Variants in RARB observed in about 807,000 individuals in gnomAD.
RARB encodes HBV-activated protein.
RARB carries 17 observed loss-of-function variants against 51.9 expected under a neutral mutation model. That is an observed-to-expected ratio of 0.33 (90% CI 0.22 to 0.49). The LOEUF (loss-of-function observed/expected upper bound fraction) is 0.49. Among genes scored for constraint, RARB ranks in the 20% least tolerant of loss-of-function variants. The pLI, the probability that RARB is intolerant of heterozygous loss-of-function variation, is 0.99. For synonymous variants in RARB, 215 were observed against 195.4 expected (o/e 1.10, Z -0.84); for missense variants, 369 against 550.8 (o/e 0.67, Z 3.30).
At chr3:25,522,684 A>C (rs1698453074) in intron 3 of RARB, among the ~76,000 whole-genome samples, 2 of 152,142 alleles carry the variant, frequency 1.3e-5, no homozygotes. Flanking sequence ...GCCCAGACTC[A>C]ATTAAGGCAC....
intron 4 of RARB, among the ~76,000 whole-genome samples, chr3:25,572,047 C>G (rs1015687962): frequency 6.6e-6 from 1 of 152,100 alleles, no homozygotes; most frequent in Non-Finnish European, 1.5e-5. Flanking sequence ...CATTTCAGGC[C>G]CTGTATTGAG....
intron 5 of RARB, among the ~76,000 whole-genome samples, chr3:25,301,863 G>C (rs970709687): frequency 6.6e-6 from 1 of 152,174 alleles, no homozygotes; most frequent in Admixed American, 6.5e-5. Context: ...TGGGGTCATA[G>C]TGCTAGAGAC....
At chr3:24,951,494 A>T (rs1695890006) in intron 2 of RARB, among the ~76,000 whole-genome samples, 1 of 152,156 alleles carries the variant, frequency 6.6e-6, no homozygotes, top group Non-Finnish European at 1.5e-5. Context: ...TTACATGACT[A>T]GCTAAACGCT....
intron 2 of RARB, among the ~76,000 whole-genome samples, chr3:24,928,331 A>C (rs1291524940): frequency 6.6e-6 from 1 of 151,984 alleles, no homozygotes; most frequent in Admixed American, 6.6e-5. Context: ...TGTGTACCAA[A>C]ATTGTAATTC....
At chr3:25,293,985 G>A (rs557490009) in intron 5 of RARB, among the ~76,000 whole-genome samples, 1 of 152,272 alleles carries the variant, frequency 6.6e-6, no homozygotes, top group South Asian at 2.1e-4. Flanking sequence ...CTTTGAATAA[G>A]CCTTCTTAGC....
intron 5 of RARB, among the ~76,000 whole-genome samples, chr3:25,196,608 A>G (rs1247375332): frequency 6.6e-6 from 1 of 152,156 alleles, no homozygotes; most frequent in East Asian, 1.9e-4. Context: ...GCTGGGTCAA[A>G]TGGTATTACT....
chr3:24,906,886 T>C (rs1358098464), intron 2 of RARB, among the ~76,000 whole-genome samples: 1 of 137,574 alleles, frequency 7.3e-6, no homozygotes, highest in East Asian at 2.2e-4. Flanking sequence ...CCCCCACTAA[T>C]CATATGAGTC....
intron 3 of RARB, among the ~76,000 whole-genome samples, chr3:25,534,646 A>G (rs1699064258): frequency 6.6e-6 from 1 of 152,120 alleles, no homozygotes; most frequent in South Asian, 2.1e-4. Flanking sequence ...CACAGGTCAT[A>G]GTTTTTGTTT....
At chr3:25,363,923 C>T (rs567048926) in intron 5 of RARB, among the ~76,000 whole-genome samples, 93 of 152,254 alleles carry the variant, frequency 6.1e-4, no homozygotes, top group African/African-American at 1.9e-3. Flanking sequence ...CTGGCACTGG[C>T]TCAAATGTTC....
chr3:25,388,410 A>G (rs905453942), intron 5 of RARB, among the ~76,000 whole-genome samples: 4 of 152,200 alleles, frequency 2.6e-5, no homozygotes, highest in Admixed American at 2.0e-4. Flanking sequence ...ATTTATTTTG[A>G]TATGTCTTCT....
intron 3 of RARB, among the ~76,000 whole-genome samples, chr3:25,550,903 T>C (rs996242193): frequency 2.6e-5 from 4 of 152,174 alleles, no homozygotes; most frequent in Admixed American, 2.6e-4. Flanking sequence ...TCCATGTCCC[T>C]GCAAAGGACA....
At chr3:25,051,310 A>G (rs888605855) in intron 2 of RARB, among the ~76,000 whole-genome samples, 1 of 152,144 alleles carries the variant, frequency 6.6e-6, no homozygotes, top group Non-Finnish European at 1.5e-5. Flanking sequence ...TTGTTATTGT[A>G]GGAGAAAGGG....
At chr3:25,336,662 A>G (rs1328338650) in intron 5 of RARB, among the ~76,000 whole-genome samples, 1 of 152,136 alleles carries the variant, frequency 6.6e-6, no homozygotes, top group Non-Finnish European at 1.5e-5. Context: ...AATTCTCAAC[A>G]ATGACATTTG....
intron 3 of RARB, among the ~76,000 whole-genome samples, chr3:25,089,920 C>G (rs1008411207): frequency 6.6e-6 from 1 of 152,170 alleles, no homozygotes; most frequent in Non-Finnish European, 1.5e-5. Flanking sequence ...AAAGTCCCCA[C>G]TGAATGGCAC....
intron 2 of RARB, among the ~76,000 whole-genome samples, chr3:24,946,059 A>G (rs1444483798): frequency 2.0e-5 from 3 of 151,992 alleles, no homozygotes; most frequent in African/African-American, 7.2e-5. Context: ...AGGTCAGGAG[A>G]TCGAGATCAT....
chr3:25,161,215 A>G lies in RARB; in HGVS notation c.-279-12904A>G, dbSNP rs555963292. Among the ~76,000 whole-genome samples the G allele has an allele frequency of 2.4e-3, 251 of 105,634 alleles. 1 individual carries two copies. Among genetic ancestry groups the G allele is most frequent in the African/African-American group, 8.3e-3 (234 of 28,074 alleles). 69.3% of individuals were successfully genotyped at this position (105,634 alleles called of 152,430 possible). A position where few individuals can be genotyped will look rare whatever the true frequency, so the allele number is the denominator to read the frequency against. On this transcript the variant is annotated intron_variant, in intron 4 of 11. Transcript: ENST00000383772. ...TATTATTATTATTATTATTATTATT[A>G]TTTTGTATTTTTAGTAGAGACAGGG...
chr3:25,231,472 C>G (rs756128149), intron 5 of RARB, among the ~76,000 whole-genome samples: 1 of 152,140 alleles, frequency 6.6e-6, no homozygotes, highest in African/African-American at 2.4e-5. Flanking sequence ...CCAAGCAATA[C>G]TCTTTGTTAA....
intron 5 of RARB, among the ~76,000 whole-genome samples, chr3:25,322,030 G>T (rs1025301908): frequency 5.9e-5 from 9 of 151,920 alleles, no homozygotes; most frequent in African/African-American, 1.9e-4. Context: ...CAGAAGGAAA[G>T]ACCACCTTTC....
chr3:24,908,557 C>T lies in RARB; in HGVS notation c.-380+49805C>T, dbSNP rs533583762. Among the ~76,000 whole-genome samples, 3 of 150,190 alleles carry T rather than the reference C, an allele frequency of 2.0e-5. No individual in the cohort carries two copies. The South Asian group carries it at 6.4e-4, about 32-fold the overall frequency. ...AGCTGATTTTGTTTGGAAATGCTTTCTTGAAGAGCAGAAATGAGGTCAACT... is the reference window on the plus strand; with the variant it reads ...AGCTGATTTTGTTTGGAAATGCTTTTTTGAAGAGCAGAAATGAGGTCAACT... On this transcript the variant is annotated intron_variant, in intron 2 of 11. Transcript: ENST00000383772.
Sources: allele counts gnomAD v4.1 joint callset (sites outside exome capture counted in the v4.1 genomes callset), GRCh38; gene constraint gnomAD v4.1.1; transcripts MANE v1.5; gene names NCBI Gene and HGNC (gene_info 2026-07-23, HGNC 2026-07-21).